The following EPHA4 variants were observed in gnomAD, a reference collection of about 807,000 sequenced individuals.
EPHA4 encodes ephrin type-A receptor 4.
A neutral mutation model predicts 108.3 loss-of-function variants in EPHA4; 19 were observed. The ratio of observed to expected loss-of-function variants is 0.18; its 90% CI spans 0.12 to 0.26. The LOEUF (loss-of-function observed/expected upper bound fraction) is 0.26. Among genes scored for constraint, EPHA4 ranks in the 10% least tolerant of loss-of-function variants. EPHA4 has a pLI of 1.00. For synonymous variants in EPHA4, 449 were observed against 455.5 expected (o/e 0.99, Z 0.18); for missense variants, 917 against 1,254.0 (o/e 0.73, Z 4.06).
chr2:221,422,086 A>G (rs1689777349), intron 17 of EPHA4: 1 of 151,992 alleles, frequency 6.6e-6, no homozygotes, highest in Admixed American at 6.6e-5. Flanking sequence ...AAAAAAAAAA[A>G]AAAAATTAGC....
At chr2:221,428,733 T>A (rs1444139409) in intron 15 of EPHA4, among the ~76,000 whole-genome samples, 1 of 152,186 alleles carries the variant, frequency 6.6e-6, no homozygotes, top group South Asian at 2.1e-4. Flanking sequence ...TTTTTTTAGT[T>A]CACATAGTGA....
chr2:221,533,931 C>G (rs1693592335), intron 3 of EPHA4, among the ~76,000 whole-genome samples: 1 of 152,112 alleles, frequency 6.6e-6, no homozygotes, highest in Admixed American at 6.5e-5. Context: ...CAGAAGAGTT[C>G]TGGGCAAAAG....
intron 3 of EPHA4, among the ~76,000 whole-genome samples, chr2:221,561,013 C>T (rs1012636611): frequency 2.0e-5 from 3 of 151,940 alleles, no homozygotes; most frequent in African/African-American, 4.8e-5. Context: ...GAGGCCAAGG[C>T]GGGTGGATCA....
rs546777569 is a variant in EPHA4 at position 221,473,168 on chromosome 2, A to G, written c.1318+9184T>C. Among the ~76,000 whole-genome samples, 28 of 152,256 alleles carry G rather than the reference A, an allele frequency of 1.8e-4. 1 individual carries two copies. The South Asian group carries it at 5.4e-3, about 29-fold the overall frequency. On this transcript the variant is annotated intron_variant, in intron 5 of 17. Coordinates refer to ENST00000281821, the MANE Select transcript of EPHA4 (RefSeq NM_004438.5). ...GCCTGGGGAACCTCTTTCATTTCTAATTTTGGCAGAAGCAAAGAATGAGAA... is the reference window on the plus strand; with the variant it reads ...GCCTGGGGAACCTCTTTCATTTCTAGTTTTGGCAGAAGCAAAGAATGAGAA...
chr2:221,452,270 G>A (rs889405907), intron 8 of EPHA4, among the ~76,000 whole-genome samples: 2 of 152,242 alleles, frequency 1.3e-5, no homozygotes, highest in African/African-American at 2.4e-5. Context: ...CAGCCCCATC[G>A]TCAAAGGACA....
At chr2:221,443,760 A>G (rs993352878) in intron 9 of EPHA4, among the ~76,000 whole-genome samples, 154 bp from the exon 10 acceptor site, 3 of 152,220 alleles carry the variant, frequency 2.0e-5, no homozygotes, top group African/African-American at 4.8e-5. Context: ...TCTGGTTTTC[A>G]TTAGTGGGTA....
chr2:221,434,005 G>T, intron 14 of EPHA4, 137 bp downstream of exon 14: 1 of 783,592 alleles, frequency 1.3e-6, no homozygotes, highest in Non-Finnish European at 2.0e-6. Flanking sequence ...TGTTGAACTA[G>T]CTTGCTAGAT....
intron 9 of EPHA4, among the ~76,000 whole-genome samples, chr2:221,444,271 G>C (rs955747076): frequency 6.6e-6 from 1 of 152,174 alleles, no homozygotes; most frequent in African/African-American, 2.4e-5. Context: ...CAGGAAGTAT[G>C]ATTCAGCCAT....
intron 4 of EPHA4, among the ~76,000 whole-genome samples, chr2:221,487,624 A>G (rs1692017142): frequency 6.6e-6 from 1 of 152,208 alleles, no homozygotes; most frequent in Admixed American, 6.5e-5. Context: ...CCAAATCAAG[A>G]CATTCTAAAA....
At chr2:221,487,570 C>G (rs1227254610) in intron 4 of EPHA4, among the ~76,000 whole-genome samples, 1 of 152,142 alleles carries the variant, frequency 6.6e-6, no homozygotes, top group African/African-American at 2.4e-5. Context: ...CCATATTAGT[C>G]TTTATGGAAC....
intron 3 of EPHA4, among the ~76,000 whole-genome samples, chr2:221,525,872 T>A (rs1693308694): frequency 6.6e-6 from 1 of 152,204 alleles, no homozygotes; most frequent in Non-Finnish European, 1.5e-5. Context: ...TCCAGAGTGA[T>A]AGAAATAATG....
intron 10 of EPHA4, 57 bp from the exon 11 acceptor site, chr2:221,443,071 T>A: frequency 6.5e-7 from 1 of 1,539,108 alleles, no homozygotes; most frequent in South Asian, 1.2e-5. Context: ...GATGAAAGAA[T>A]AACAGCTAAC....
intron 3 of EPHA4, among the ~76,000 whole-genome samples, chr2:221,548,924 G>A (rs928962542): frequency 3.3e-5 from 5 of 152,086 alleles, no homozygotes; most frequent in African/African-American, 7.2e-5. Context: ...GACTGAGGAC[G>A]ACACCAGGAT....
At chr2:221,457,407 C>A (rs909054209) in intron 6 of EPHA4, among the ~76,000 whole-genome samples, 1 of 152,092 alleles carries the variant, frequency 6.6e-6, no homozygotes, top group Non-Finnish European at 1.5e-5. Context: ...GTCATCAAAA[C>A]CCACATCTTT....
intron 3 of EPHA4, among the ~76,000 whole-genome samples, chr2:221,524,589 A>C (rs1693268448): frequency 6.6e-6 from 1 of 152,220 alleles, no homozygotes; most frequent in African/African-American, 2.4e-5. Context: ...GTCAAATGAA[A>C]AGGCAAATTG....
At chr2:221,568,372 T>C (rs1448563666) in intron 2 of EPHA4, among the ~76,000 whole-genome samples, 3 of 152,194 alleles carry the variant, frequency 2.0e-5, no homozygotes, top group Non-Finnish European at 4.4e-5. Flanking sequence ...AAATTAACCT[T>C]GTCAGGACTT....
At chr2:221,554,285 G>A (rs1041694367) in intron 3 of EPHA4, among the ~76,000 whole-genome samples, 3 of 152,204 alleles carry the variant, frequency 2.0e-5, no homozygotes, top group Non-Finnish European at 2.9e-5. Context: ...TTTAGATGTT[G>A]TTTTAACTGA....
intron 3 of EPHA4, among the ~76,000 whole-genome samples, chr2:221,506,282 T>C (rs1164568055): frequency 6.6e-6 from 1 of 152,184 alleles, no homozygotes; most frequent in East Asian, 1.9e-4. Context: ...AAATTTTTCA[T>C]TTGTTAAACT....
chr2:221,564,254 C>T lies in EPHA4; in HGVS notation c.300G>A (p.Glu100=). 1 of 1,614,156 alleles carries T rather than the reference C, an allele frequency of 6.2e-7. No homozygotes were observed. Among genetic ancestry groups the T allele is most frequent in the Non-Finnish European group, 8.5e-7 (1 of 1,180,022 alleles). ...TREGAQRVYI[E]IKFTLRDCNS... ...TGCAGTCCCTCAAGGTGAATTTAATCTCAATATACACCCTCTGAGCCCCTT... is the reference window on the plus strand; with the variant it reads ...TGCAGTCCCTCAAGGTGAATTTAATTTCAATATACACCCTCTGAGCCCCTT... The change falls in exon 3 of 18, where the codon GAG becomes GAA. Residue 100 remains glutamate (E), a synonymous_variant. Transcript: ENST00000281821.
Sources: allele counts gnomAD v4.1 joint callset (sites outside exome capture counted in the v4.1 genomes callset), GRCh38; gene constraint gnomAD v4.1.1; transcripts MANE v1.5; gene names NCBI Gene and HGNC (gene_info 2026-07-23, HGNC 2026-07-21).